The following DMRTA1 variants were observed in gnomAD, a reference collection of about 807,000 sequenced individuals.
DMRTA1 encodes DMRT like family A1, also known as doublesex- and mab-3-related transcription factor A1.
A neutral mutation model predicts 35.2 loss-of-function variants in DMRTA1; 34 were observed. The ratio of observed to expected loss-of-function variants is 0.97; its 90% CI spans 0.74 to 1.29. DMRTA1 has a LOEUF of 1.29. DMRTA1 is among the 50% of genes most tolerant of loss of function. The pLI is 0.00. For missense variants in DMRTA1, 824 were observed against 644.6 expected (o/e 1.28, Z -3.01); for synonymous variants, 344 against 276.6 (o/e 1.24, Z -2.42).
chr9:22,448,741 C>T (rs1035973901), intron 1 of DMRTA1, among the ~76,000 whole-genome samples: 1 of 152,042 alleles, frequency 6.6e-6, no homozygotes. Context: ...CAGATTTTTT[C>T]GCTCAATGGC....
Position 22,453,112 on chromosome 9 carries a change from T to C in DMRTA1, c.*1201T>C, listed in dbSNP as rs1818956606. 1 of 152,150 alleles carries C rather than the reference T, an allele frequency of 6.6e-6. No individual in the cohort carries two copies. 9.4% of individuals were successfully genotyped at this position (152,150 alleles called of 1,614,324 possible). On this transcript the variant is annotated 3_prime_UTR_variant, in exon 2 of 2. Coordinates refer to ENST00000325870, the MANE Select transcript of DMRTA1 (RefSeq NM_022160.3). ...AAAACAGTTTCTAGGACATTTTCTT[T>C]GTATGTCATCATTTTTCTTTTTTGA...
At position 22,452,566 on chromosome 9, in the gene DMRTA1, C is replaced by G. The variant is rs548490938; in HGVS notation, c.*655C>G. Reference sequence around the variant, plus strand: ...AAAACATTTCTCTTTAAAGTTGACACTGTGTCTATGAAGTAAATTTTAGGA... The same window carrying G: ...AAAACATTTCTCTTTAAAGTTGACAGTGTGTCTATGAAGTAAATTTTAGGA... On this transcript the variant is annotated 3_prime_UTR_variant, in exon 2 of 2. Transcript: ENST00000325870. 13 of 152,350 alleles carry G rather than the reference C, an allele frequency of 8.5e-5. No homozygotes were observed. Among genetic ancestry groups the G allele is most frequent in the African/African-American group, 2.2e-4 (9 of 41,574 alleles). 9.4% of individuals were successfully genotyped at this position (152,350 alleles called of 1,614,324 possible).
Position 22,447,453 on chromosome 9 carries a change from G to T in DMRTA1, c.388G>T (p.Ala130Ser), listed in dbSNP as rs369146134. The T allele has an allele frequency of 6.4e-6, 10 of 1,553,226 alleles. No individual in the cohort carries two copies. The highest frequency in any genetic ancestry group is 8.7e-6 in the Non-Finnish European group (10 of 1,150,282). ...DCACAKCTLI[A>S]ERQRVMAAQV... Reference sequence around the variant, plus strand: ...CGCGTGTGCCAAGTGCACCCTGATCGCCGAGCGCCAGCGCGTCATGGCCGC... The same window carrying T: ...CGCGTGTGCCAAGTGCACCCTGATCTCCGAGCGCCAGCGCGTCATGGCCGC... Residue 130 changes from alanine (A) to serine (S), a missense_variant, in exon 1 of 2, where the codon GCC becomes TCC. By Grantham distance (99) the Ala-to-Ser change is moderately conservative (BLOSUM62 1). Coordinates refer to ENST00000325870, the MANE Select transcript of DMRTA1 (RefSeq NM_022160.3).
rs1818861120 is a variant in DMRTA1 at position 22,447,705 on chromosome 9, C to A, written c.640C>A (p.Gln214Lys). The A allele has an allele frequency of 6.2e-7, 1 of 1,613,318 alleles. No individual in the cohort carries two copies. The highest frequency in any genetic ancestry group is 2.2e-5 in the East Asian group (1 of 44,860). The stretch of plus-strand genomic sequence containing the variant: ...CGCGACCCCCGCTTTCGAAGTTTTC[C>A]AGCAAGATTATCCTGAGGAAAAACA... ...GSATPAFEVFQQDYPEEKQEQ... is the reference protein window; with the variant it reads ...GSATPAFEVFKQDYPEEKQEQ... The change falls in exon 1 of 2, where the codon CAG becomes AAG. Residue 214 changes from glutamine to lysine, a missense_variant. By Grantham distance (53) the Gln-to-Lys change is moderately conservative. Coordinates refer to ENST00000325870, the MANE Select transcript of DMRTA1 (RefSeq NM_022160.3).
intron 1 of DMRTA1, among the ~76,000 whole-genome samples, chr9:22,449,588 A>G (rs550441683): frequency 6.6e-6 from 1 of 152,288 alleles, no homozygotes; most frequent in South Asian, 2.1e-4. Context: ...GGGCATGCTC[A>G]TTCATATTTA....
In DMRTA1 at chr9:22,452,455, A is replaced by G. The variant is rs1247376926; in HGVS notation, c.*544A>G. 6.6e-6 allele frequency: 1 copy of G among 152,258 alleles called. No homozygotes were observed. Among genetic ancestry groups the G allele is most frequent in the Non-Finnish European group, 1.5e-5 (1 of 68,068 alleles). 9.4% of individuals were successfully genotyped at this position (152,258 alleles called of 1,614,324 possible). The stretch of plus-strand genomic sequence containing the variant: ...TGCAGATGGGTGATTCGTAATAAAT[A>G]AAACATTTGAGCATTTTGAATTTAT... On this transcript the variant is annotated 3_prime_UTR_variant, in exon 2 of 2. Coordinates refer to ENST00000325870, the MANE Select transcript of DMRTA1 (RefSeq NM_022160.3).
At position 22,451,333 on chromosome 9, in the gene DMRTA1, A is replaced by G; in HGVS notation, c.937A>G (p.Thr313Ala). The change falls in exon 2 of 2, where the codon ACT (threonine) becomes GCT (alanine). Residue 313 changes from threonine to alanine, a missense_variant. Transcript: ENST00000325870. ...TGAAAGTGAATGGGTCAAAGACTTGACTGCGACCAAGGCAAGCCTTCCGAC... is the reference window on the plus strand; with the variant it reads ...TGAAAGTGAATGGGTCAAAGACTTGGCTGCGACCAAGGCAAGCCTTCCGAC... ...GNESEWVKDL[T>A]ATKASLPTVS... 1 of 1,614,100 alleles carries G rather than the reference A, an allele frequency of 6.2e-7. No homozygotes were observed. Among genetic ancestry groups the G allele is most frequent in the Non-Finnish European group, 8.5e-7 (1 of 1,179,984 alleles).
At position 22,451,506 on chromosome 9, in the gene DMRTA1, G is replaced by T. The variant is rs1176609354; in HGVS notation, c.1110G>T (p.Lys370Asn). Residue 370 changes from lysine to asparagine, a missense_variant, in exon 2 of 2, where the codon AAG becomes AAT. By Grantham distance (94) the Lys-to-Asn change is moderately conservative. Transcript: ENST00000325870. ...IEQVLNGKEH[K>N]PDNRNLANSE... ...AGGTTTTAAATGGCAAAGAACACAA[G>T]CCAGACAACAGGAACCTAGCAAACT... 19 of 1,614,072 alleles carry T rather than the reference G, an allele frequency of 1.2e-5. No individual in the cohort carries two copies. The highest frequency in any genetic ancestry group is 1.5e-5 in the Non-Finnish European group (18 of 1,180,000).
rs941046647 is a variant in DMRTA1 at position 22,452,936 on chromosome 9, T to C, written c.*1025T>C. The C allele has an allele frequency of 6.6e-6, 1 of 152,136 alleles. No individual in the cohort carries two copies. The highest frequency in any genetic ancestry group is 1.5e-5 in the Non-Finnish European group (1 of 67,970). The allele number at this position is 152,136 out of a possible 1,614,324, so 9.4% of individuals were successfully genotyped here. ...TGCAGATAGTTGATGCTTAATGCACTGAGGAGAGATATAAGATTTCCAAAG... is the reference window on the plus strand; with the variant it reads ...TGCAGATAGTTGATGCTTAATGCACCGAGGAGAGATATAAGATTTCCAAAG... On this transcript the variant is annotated 3_prime_UTR_variant, in exon 2 of 2. Coordinates refer to ENST00000325870, the MANE Select transcript of DMRTA1 (RefSeq NM_022160.3).
chr9:22,448,178 A>G lies in DMRTA1; in HGVS notation c.667+446A>G, dbSNP rs553331180. 3.6e-4 allele frequency among the ~76,000 whole-genome samples: 55 copies of G among 152,226 alleles called. No homozygotes were observed. In the Middle Eastern group the frequency reaches 0.017, roughly 47 times the overall value. On this transcript the variant is annotated intron_variant, in intron 1 of 1. Coordinates refer to ENST00000325870, the MANE Select transcript of DMRTA1 (RefSeq NM_022160.3). ...GGCTGGAGTGCAGTGGCGCCATTAC[A>G]GCTCACTGCAGCCTCAACCTCCCCA...
intron 1 of DMRTA1, among the ~76,000 whole-genome samples, chr9:22,448,145 G>A (rs2117951852): frequency 6.6e-6 from 1 of 152,276 alleles, no homozygotes; most frequent in Non-Finnish European, 1.5e-5. Context: ...ATCTCACTCT[G>A]TTGCCCAGGC....
In DMRTA1 at chr9:22,447,257, C is replaced by T. The variant is rs890603910; in HGVS notation, c.192C>T (p.Ala64=). The T allele has an allele frequency of 1.3e-6, 2 of 1,502,270 alleles. No individual in the cohort carries two copies. Among genetic ancestry groups the T allele is most frequent in the Admixed American group, 4.8e-5 (2 of 41,356 alleles). 93.1% of individuals were successfully genotyped at this position (1,502,270 alleles called of 1,614,324 possible). A position where few individuals can be genotyped will look rare whatever the true frequency, so the allele number is the denominator to read the frequency against. Residue 64 remains alanine (A), a synonymous_variant, in exon 1 of 2, where the codon GCC becomes GCT. Coordinates refer to ENST00000325870, the MANE Select transcript of DMRTA1 (RefSeq NM_022160.3). ...GAGCAGCGGCCGCGGCCGCCGCCGCCGCTGCCGCCACCTCGGGAAGCGGAG... is the reference window on the plus strand; with the variant it reads ...GAGCAGCGGCCGCGGCCGCCGCCGCTGCTGCCGCCACCTCGGGAAGCGGAG... ...FLRAAAAAAA[A]AAATSGSGGC...
Position 22,453,712 on chromosome 9 carries a change from G to T in DMRTA1, c.*1801G>T, listed in dbSNP as rs1189791087. ...CTACAAAATGGCGTACAGACACACA[G>T]TTTTGCATACAATTTCACTGGGTTC... On this transcript the variant is annotated 3_prime_UTR_variant, in exon 2 of 2. Transcript: ENST00000325870. 6.6e-6 allele frequency: 1 copy of T among 152,034 alleles called. No individual in the cohort carries two copies. Among genetic ancestry groups the T allele is most frequent in the Non-Finnish European group, 1.5e-5 (1 of 67,946 alleles). 9.4% of individuals were successfully genotyped at this position (152,034 alleles called of 1,614,324 possible). A position where few individuals can be genotyped will look rare whatever the true frequency, so the allele number is the denominator to read the frequency against.
At chr9:22,447,839 G>C in intron 1 of DMRTA1, 107 bp downstream of exon 1, 1 of 1,364,292 alleles carries the variant, frequency 7.3e-7, no homozygotes, top group East Asian at 2.4e-5. Context: ...TTGTTTAAAA[G>C]AAACACTTTA....
Position 22,447,042 on chromosome 9 carries a change from C to T in DMRTA1, c.-24C>T, listed in dbSNP as rs1003330519. The T allele has an allele frequency of 3.7e-6, 6 of 1,600,034 alleles. No individual in the cohort carries two copies. The Middle Eastern group carries it at 6.6e-4, about 176-fold the overall frequency. On this transcript the variant is annotated 5_prime_UTR_variant, in exon 1 of 2. Coordinates refer to ENST00000325870, the MANE Select transcript of DMRTA1 (RefSeq NM_022160.3). ...CGGTCAGCGCACTTTCCACTTGGGA[C>T]TCCCGGCCAGAAATTTCTCGGGAAT...
At position 22,454,871 on chromosome 9, in the gene DMRTA1, A is replaced by G. The variant is rs1818981083; in HGVS notation, c.*2960A>G. On this transcript the variant is annotated 3_prime_UTR_variant, in exon 2 of 2. Coordinates refer to ENST00000325870, the MANE Select transcript of DMRTA1 (RefSeq NM_022160.3). ...GGAACTCATTGAAAAATGCATGTAG[A>G]AAATACCAATCAGAGCCTGATTGAT... The G allele has an allele frequency of 6.6e-6, 1 of 152,162 alleles. No individual in the cohort carries two copies. Among genetic ancestry groups the G allele is most frequent in the African/African-American group, 2.4e-5 (1 of 41,422 alleles). The allele number at this position is 152,162 out of a possible 1,614,324, so 9.4% of individuals were successfully genotyped here.
At chr9:22,449,680 A>G (rs1472179069) in intron 1 of DMRTA1, among the ~76,000 whole-genome samples, 2 of 152,136 alleles carry the variant, frequency 1.3e-5, no homozygotes, top group African/African-American at 4.8e-5. Flanking sequence ...GTGTTATTTA[A>G]AGTTGAAAAT....
In DMRTA1 at chr9:22,447,027, A is replaced by G. The variant is rs990640847; in HGVS notation, c.-39A>G. On this transcript the variant is annotated 5_prime_UTR_variant, in exon 1 of 2. Transcript: ENST00000325870. Reference sequence around the variant, plus strand: ...CAGCAGGGTTAGCTGCGGTCAGCGCACTTTCCACTTGGGACTCCCGGCCAG... The same window carrying G: ...CAGCAGGGTTAGCTGCGGTCAGCGCGCTTTCCACTTGGGACTCCCGGCCAG... 3 of 1,586,890 alleles carry G rather than the reference A, an allele frequency of 1.9e-6. No homozygotes were observed. Among genetic ancestry groups the G allele is most frequent in the Non-Finnish European group, 2.6e-6 (3 of 1,167,834 alleles).
In DMRTA1 at chr9:22,451,386, T is replaced by G; in HGVS notation, c.990T>G (p.Leu330=). Residue 330 remains leucine, a synonymous_variant, in exon 2 of 2, where the codon CTT becomes CTG. Transcript: ENST00000325870. Reference sequence around the variant, plus strand: ...TGTCCTCAAGACCAAGAGATCCTCTTGATATCCTTACTAAGATTTTCCCAA... The same window carrying G: ...TGTCCTCAAGACCAAGAGATCCTCTGGATATCCTTACTAAGATTTTCCCAA... ...PTVSSRPRDP[L]DILTKIFPNY... 6.2e-7 allele frequency: 1 copy of G among 1,614,164 alleles called. No homozygotes were observed. Among genetic ancestry groups the G allele is most frequent in the Non-Finnish European group, 8.5e-7 (1 of 1,179,996 alleles).
Sources: gnomAD v4.1 joint callset for allele counts (sites outside exome capture counted in the v4.1 genomes callset) on GRCh38, gnomAD v4.1.1 for gene constraint, MANE v1.5 for transcripts, NCBI Gene and HGNC (gene_info 2026-07-23, HGNC 2026-07-21) for gene names.